The following MAEL variants were observed in gnomAD, a reference collection of about 807,000 sequenced individuals.
MAEL encodes maelstrom spermatogenic transposon silencer, also known as protein maelstrom homolog.
In MAEL, 46 loss-of-function variants were observed where a neutral mutation model predicts 62.0. That is an observed-to-expected ratio of 0.74 (90% CI 0.59 to 0.95). MAEL has a LOEUF of 0.95. Among genes scored for constraint, MAEL ranks in the 40% least tolerant of loss-of-function variants. The pLI is 0.00. For missense variants in MAEL, 497 were observed against 526.8 expected (o/e 0.94, Z 0.55); for synonymous variants, 172 against 175.5 (o/e 0.98, Z 0.16).
intron 8 of MAEL, among the ~76,000 whole-genome samples, chr1:167,008,105 A>G (rs1165528537): frequency 6.6e-6 from 1 of 152,116 alleles, no homozygotes; most frequent in African/African-American, 2.4e-5. Flanking sequence ...CATTAAATTT[A>G]TAAATTAACT....
chr1:166,992,960 T>A, intron 4 of MAEL, 119 bp downstream of exon 4: 1 of 815,718 alleles, frequency 1.2e-6, no homozygotes, highest in Non-Finnish European at 1.8e-6. Flanking sequence ...GTTCTTAATG[T>A]AACAAGACTT....
At chr1:166,989,541 G>T in intron 1 of MAEL, 57 bp downstream of exon 1, 1 of 1,556,842 alleles carries the variant, frequency 6.4e-7, no homozygotes. Context: ...GCCGGAGGGT[G>T]AGGCGGGAGG....
chr1:166,996,373 A>G (rs767554159), intron 5 of MAEL, among the ~76,000 whole-genome samples: 1 of 152,212 alleles, frequency 6.6e-6, no homozygotes, highest in Non-Finnish European at 1.5e-5. Context: ...CTTTAACCAG[A>G]TGAGCTCTGC....
chr1:167,008,580 T>G (rs1435091907), intron 8 of MAEL, among the ~76,000 whole-genome samples: 1 of 152,044 alleles, frequency 6.6e-6, no homozygotes, highest in Non-Finnish European at 1.5e-5. Context: ...GTTTTTCTAT[T>G]CTCTTCCTAA....
chr1:167,020,597 A>G (rs1485710606), intron 10 of MAEL, among the ~76,000 whole-genome samples: 3 of 151,952 alleles, frequency 2.0e-5, no homozygotes, highest in Non-Finnish European at 4.4e-5. Flanking sequence ...TTTGCCTCCT[A>G]CTTCTCTGAG....
Position 167,015,269 on chromosome 1 carries a change from T to C in MAEL, c.846-953T>C, listed in dbSNP as rs190939190. On this transcript the variant is annotated intron_variant, in intron 8 of 11. Coordinates refer to ENST00000367872, the MANE Select transcript of MAEL (RefSeq NM_032858.3). ...ATATAACTTAACTTTTGTTTTAATC[T>C]AAGGCTTCATGTTACAGTTTTGTGA... is the stretch of plus-strand genomic sequence containing the variant. Among the ~76,000 whole-genome samples, 221 of 152,322 alleles carry C rather than the reference T, an allele frequency of 1.5e-3. 2 individuals are homozygous for C. The highest frequency in any genetic ancestry group is 9.9e-4 in the Non-Finnish European group (67 of 68,018).
upstream of MAEL, among the ~76,000 whole-genome samples, chr1:166,984,481 C>T (rs887632587): frequency 3.9e-5 from 6 of 151,996 alleles, no homozygotes; most frequent in Non-Finnish European, 8.8e-5. Flanking sequence ...TTAGCCATTC[C>T]ACAACATATA....
chr1:166,975,993 C>T (rs1433389715), intron 1 of MAEL, among the ~76,000 whole-genome samples: 1 of 150,478 alleles, frequency 6.6e-6, no homozygotes, highest in Admixed American at 6.6e-5. Context: ...TTCTGCGGTA[C>T]CCCCGCCCCT....
At chr1:166,989,196 T>A (rs1205061567), upstream of MAEL, 1 of 990,774 alleles carries the variant, frequency 1.0e-6, no homozygotes, top group East Asian at 2.7e-5. Context: ...AGGCTGTTTG[T>A]TCCCCCGCGG....
At position 167,005,090 on chromosome 1, in the gene MAEL, CAG is replaced by C. The variant is rs1557981137; in HGVS notation, c.666_667del (p.Arg222SerfsTer41). The part of the protein sequence containing the change: ...PIYCKSDDRT[R>X]VNWCLKHMAK... ...GCTTTCTCCAGTCTGATGATAGAAC[CAG>C]AGTCAACTGGTGTTTGAAGCATATG... is the stretch of plus-strand genomic sequence containing the variant. On this transcript the variant is annotated frameshift_variant, in exon 7 of 12. Coordinates refer to ENST00000367872, the MANE Select transcript of MAEL (RefSeq NM_032858.3). LOFTEE classifies it high-confidence loss of function. 6.2e-7 allele frequency: 1 copy of C among 1,613,346 alleles called. No individual in the cohort carries two copies. The highest frequency in any genetic ancestry group is 8.5e-7 in the Non-Finnish European group (1 of 1,179,662).
Position 166,993,891 on chromosome 1 carries a change from T to C in MAEL, c.482-137T>C. On this transcript the variant is annotated intron_variant, in intron 4 of 11. Coordinates refer to ENST00000367872, the MANE Select transcript of MAEL (RefSeq NM_032858.3). ...TACCTTTGGTTAAAAATAAACCCTA[T>C]AAAAGTTTAATCTTTTGTATTTTCA... 3 of 637,066 alleles carry C rather than the reference T, an allele frequency of 4.7e-6. No individual in the cohort carries two copies. In the South Asian group the frequency reaches 7.1e-5, roughly 15 times the overall value. 39.5% of individuals were successfully genotyped at this position (637,066 alleles called of 1,614,324 possible).
chr1:166,996,471 A>G (rs958129604), intron 5 of MAEL, among the ~76,000 whole-genome samples: 1 of 152,202 alleles, frequency 6.6e-6, no homozygotes, highest in African/African-American at 2.4e-5. Context: ...TCAGCTTCCT[A>G]TACAAAAGGT....
chr1:167,009,790 A>T (rs1376567803), intron 8 of MAEL, among the ~76,000 whole-genome samples: 1 of 151,976 alleles, frequency 6.6e-6, no homozygotes, highest in Admixed American at 6.6e-5. Context: ...TTACAAATGA[A>T]TCTGTTCAGC....
intron 8 of MAEL, among the ~76,000 whole-genome samples, chr1:167,010,760 T>G (rs190274188): frequency 6.6e-6 from 1 of 152,312 alleles, no homozygotes; most frequent in Non-Finnish European, 1.5e-5. Context: ...TTTGTTCTTA[T>G]AATAGCTTGT....
chr1:166,995,887 TA>T (rs1007196300), intron 5 of MAEL, among the ~76,000 whole-genome samples: 1 of 152,224 alleles, frequency 6.6e-6, no homozygotes, highest in Admixed American at 6.5e-5. Context: ...TTTGACGACC[TA>T]TTTTTACAAC....
intron 10 of MAEL, among the ~76,000 whole-genome samples, chr1:167,020,123 C>T (rs1665561373): frequency 6.6e-6 from 1 of 152,184 alleles, no homozygotes; most frequent in African/African-American, 2.4e-5. Context: ...CTGTTTTATA[C>T]TCCCTTACAG....
chr1:166,989,591 A>G (rs1310332947), intron 1 of MAEL, 107 bp downstream of exon 1: 2 of 1,486,820 alleles, frequency 1.3e-6, no homozygotes, highest in South Asian at 1.3e-5. Flanking sequence ...TGGCCCTGCC[A>G]GAGGAAGAGG....
chr1:166,993,973 T>C, intron 4 of MAEL, 55 bp from the exon 5 acceptor site: 2 of 1,361,528 alleles, frequency 1.5e-6, no homozygotes, highest in Middle Eastern at 1.8e-4. Flanking sequence ...AGTATTACTG[T>C]AGCACTAGAG....
At chr1:167,003,232 A>T (rs550812880) in intron 5 of MAEL, among the ~76,000 whole-genome samples, 69 of 152,250 alleles carry the variant, frequency 4.5e-4, no homozygotes, top group Non-Finnish European at 7.8e-4. Context: ...CTGCAGGTAC[A>T]CACCACCACA....
Sources: gnomAD v4.1 joint callset for allele counts (sites outside exome capture counted in the v4.1 genomes callset) on GRCh38, gnomAD v4.1.1 for gene constraint, MANE v1.5 for transcripts, NCBI Gene and HGNC (gene_info 2026-07-23, HGNC 2026-07-21) for gene names.